Variants in SLC31A1 observed in about 807,000 individuals in gnomAD.
SLC31A1 encodes high affinity copper uptake protein 1.
In SLC31A1, 5 loss-of-function variants were observed where a neutral mutation model predicts 17.2. That is an observed-to-expected ratio of 0.29 (90% CI 0.15 to 0.61). The LOEUF (loss-of-function observed/expected upper bound fraction) is 0.61. SLC31A1 is among the 20% of genes least tolerant of loss of function. SLC31A1 has a pLI of 0.86. For missense variants in SLC31A1, 161 were observed against 241.4 expected, an observed-to-expected ratio of 0.67 and a Z score of 2.21; for synonymous variants, 76 against 78.8, an observed-to-expected ratio of 0.96 and a Z score of 0.19.
intron 3 of SLC31A1, among the ~76,000 whole-genome samples, chr9:113,257,943 G>A (rs1470690063): frequency 6.6e-6 from 1 of 152,152 alleles, no homozygotes; most frequent in Non-Finnish European, 1.5e-5. Flanking sequence ...ATCAATCATA[G>A]AGTTAATATG....
intron 4 of SLC31A1, among the ~76,000 whole-genome samples, chr9:113,259,193 A>AT (rs1405938490): frequency 6.6e-6 from 1 of 152,202 alleles, no homozygotes; most frequent in Non-Finnish European, 1.5e-5. Flanking sequence ...AGAATGGCAG[A>AT]TTGCAGTTGA....
In SLC31A1 at chr9:113,258,687, T is replaced by C; in HGVS notation, c.203-7T>C. ...ACAGTACCTCCATATTTTCCTTCCA[T>C]ACTTAGAAATGGCTGGAGCTTTTGT... On this transcript the variant is annotated splice_region_variant and splice_polypyrimidine_tract_variant and intron_variant, in intron 3 of 4. Coordinates refer to ENST00000374212, the MANE Select transcript of SLC31A1 (RefSeq NM_001859.4). The surrounding 1 kb of genome is among the most constrained non-coding windows in gnomAD (Gnocchi z 4.8). The C allele has an allele frequency of 3.7e-6, 6 of 1,614,096 alleles. No individual in the cohort carries two copies. Among genetic ancestry groups the C allele is most frequent in the Non-Finnish European group, 5.1e-6 (6 of 1,180,004 alleles).
At chr9:113,235,761 C>T (rs773294533) in intron 1 of SLC31A1, among the ~76,000 whole-genome samples, 10 of 152,142 alleles carry the variant, frequency 6.6e-5, no homozygotes, top group African/African-American at 1.4e-4. Flanking sequence ...GGAAAAAAGA[C>T]GGCAATGCCC....
chr9:113,233,562 TG>T (rs1831423074), intron 1 of SLC31A1, among the ~76,000 whole-genome samples: 1 of 152,204 alleles, frequency 6.6e-6, no homozygotes, highest in African/African-American at 2.4e-5. Flanking sequence ...CCCCTCCCTC[TG>T]GGATTTAGAG....
chr9:113,240,047 A>C (rs74892576), intron 1 of SLC31A1, among the ~76,000 whole-genome samples: 128 of 152,304 alleles, frequency 8.4e-4, no homozygotes, highest in African/African-American at 3.0e-3. Flanking sequence ...TTAATTTATC[A>C]GTCTGTTTAA....
intron 1 of SLC31A1, among the ~76,000 whole-genome samples, chr9:113,239,786 G>A (rs189963227): frequency 3.2e-4 from 48 of 152,330 alleles, no homozygotes; most frequent in African/African-American, 1.0e-3. Flanking sequence ...GTTTCACCCC[G>A]TTGGCCAGTC....
rs994073972 is a variant in SLC31A1, at chr9:113,260,821, T to G, written c.*348T>G. 1 of 314,762 alleles carries G rather than the reference T, an allele frequency of 3.2e-6. No individual in the cohort carries two copies. The highest frequency in any genetic ancestry group is 2.2e-5 in the African/African-American group (1 of 46,510). The allele number at this position is 314,762 out of a possible 1,614,324, so 19.5% of individuals were successfully genotyped here. A position where few individuals can be genotyped will look rare whatever the true frequency, so the allele number is the denominator to read the frequency against. ...TCAATGACTTGATCATCTGCTTCCT[T>G]TTTGAATTTTTAACAGATAGTAAGT... On this transcript the variant is annotated 3_prime_UTR_variant, in exon 5 of 5. Transcript: ENST00000374212.
intron 1 of SLC31A1, among the ~76,000 whole-genome samples, chr9:113,230,968 C>G (rs1831396404): frequency 6.6e-6 from 1 of 152,176 alleles, no homozygotes; most frequent in Non-Finnish European, 1.5e-5. Flanking sequence ...TCCTTTCCAT[C>G]TCTGAATTCC....
chr9:113,234,272 C>G (rs1831430957), intron 1 of SLC31A1, among the ~76,000 whole-genome samples: 1 of 151,718 alleles, frequency 6.6e-6, no homozygotes, highest in African/African-American at 2.4e-5. Flanking sequence ...GTGATCTTGG[C>G]TCACTGCAAC....
At chr9:113,241,167 T>C (rs565890681) in intron 1 of SLC31A1, among the ~76,000 whole-genome samples, 1 of 152,288 alleles carries the variant, frequency 6.6e-6, no homozygotes, top group Admixed American at 6.5e-5. Context: ...TGTAACAGAC[T>C]TAAATGCCAC....
chr9:113,227,501 A>AAG (rs1831354735), intron 1 of SLC31A1: 1 of 152,110 alleles, frequency 6.6e-6, no homozygotes, highest in Admixed American at 6.6e-5. Flanking sequence ...CAGTCTGCCC[A>AAG]CCTTGGCCTC....
chr9:113,240,285 C>T (rs7851623), intron 1 of SLC31A1, among the ~76,000 whole-genome samples: 36,724 of 152,004 alleles, frequency 0.24, 4,661 homozygotes, highest in Non-Finnish European at 0.26. Context: ...TGTCTTTTTG[C>T]ATCAGACTCC....
chr9:113,221,875 G>A (rs1173860855), intron 1 of SLC31A1, among the ~76,000 whole-genome samples, 197 bp downstream of exon 1: 1 of 152,198 alleles, frequency 6.6e-6, no homozygotes, highest in African/African-American at 2.4e-5. Flanking sequence ...CGGGGTGCTC[G>A]GTGCCTCAGT....
intron 1 of SLC31A1, among the ~76,000 whole-genome samples, chr9:113,232,200 A>G (rs902260283): frequency 6.6e-6 from 1 of 152,226 alleles, no homozygotes; most frequent in African/African-American, 2.4e-5. Context: ...TAGAATTGCT[A>G]CTACTCTTAC....
rs1831818985 is a variant in SLC31A1 at position 113,263,689 on chromosome 9, C to T, written c.*3216C>T. 2.0e-5 allele frequency: 3 copies of T among 152,616 alleles called. No homozygotes were observed. Among genetic ancestry groups the T allele is most frequent in the Non-Finnish European group, 2.9e-5 (2 of 68,062 alleles). The allele number at this position is 152,616 out of a possible 1,614,324, so 9.5% of individuals were successfully genotyped here. On this transcript the variant is annotated 3_prime_UTR_variant, in exon 5 of 5. Coordinates refer to ENST00000374212, the MANE Select transcript of SLC31A1 (RefSeq NM_001859.4). ...CTGTTAAGAGACTTTAAGCATGCTT[C>T]AAGAGGCAGTTGACCCACTGGAATT...
chr9:113,257,301 TG>T, intron 3 of SLC31A1, 116 bp downstream of exon 3: 12 of 887,228 alleles, frequency 1.4e-5, no homozygotes, highest in Middle Eastern at 2.2e-4. Context: ...ATGGTAATGA[TG>T]CATAACCATC....
intron 1 of SLC31A1, chr9:113,227,714 A>C (rs796208215): frequency 3.7e-4 from 57 of 152,368 alleles, no homozygotes; most frequent in African/African-American, 1.3e-3. Flanking sequence ...TATTACTCAT[A>C]GGCAAACCAA....
At chr9:113,223,342 A>AG in intron 1 of SLC31A1, 3 of 373,756 alleles carry the variant, frequency 8.0e-6, no homozygotes, top group African/African-American at 2.2e-5. Context: ...AAAAAAAAAA[A>AG]GAAAGCCACT....
intron 1 of SLC31A1, among the ~76,000 whole-genome samples, chr9:113,251,794 G>C (rs1215957935): frequency 6.6e-6 from 1 of 152,100 alleles, no homozygotes; most frequent in Non-Finnish European, 1.5e-5. Context: ...ATTCCCGTGG[G>C]ATCTTTTCCT....
Sources: gnomAD v4.1 joint callset for allele counts (sites outside exome capture counted in the v4.1 genomes callset) on GRCh38, gnomAD v4.1.1 for gene constraint, Gnocchi (gnomAD v3.1) non-coding constraint, MANE v1.5 for transcripts, NCBI Gene and HGNC (gene_info 2026-07-23, HGNC 2026-07-21) for gene names.